Variants in ATXN1 observed in about 807,000 individuals in gnomAD.
The protein encoded by ATXN1 is ataxin-1.
A neutral mutation model predicts 56.4 loss-of-function variants in ATXN1; 8 were observed. The ratio of observed to expected loss-of-function variants is 0.14; its 90% CI spans 0.08 to 0.26. The LOEUF is 0.26. Among genes scored for constraint, ATXN1 ranks in the 10% least tolerant of loss-of-function variants. The pLI, the probability that ATXN1 is intolerant of heterozygous loss-of-function variation, is 1.00. For synonymous variants in ATXN1, 514 were observed against 494.6 expected, an observed-to-expected ratio of 1.04 and a Z score of -0.52; for missense variants, 987 against 1,106.5, an observed-to-expected ratio of 0.89 and a Z score of 1.53.
chr6:16,727,375 C>G (rs183809642), intron 2 of ATXN1, among the ~76,000 whole-genome samples: 5 of 152,250 alleles, frequency 3.3e-5, no homozygotes, highest in African/African-American at 1.2e-4. Context: ...GAACCACCGT[C>G]TCTGTCAATT....
Position 16,347,170 on chromosome 6 carries a change from G to T in ATXN1, c.-160-18700C>A, listed in dbSNP as rs542578646. Among the ~76,000 whole-genome samples, 4 of 152,290 alleles carry T rather than the reference G, an allele frequency of 2.6e-5. No homozygotes were observed. In the South Asian group the frequency reaches 8.3e-4, roughly 32 times the overall value. ...AGCCAGAGCCTCCCCGACGAGCGCCGCCCCCTGCTCCACAGCGCCCAGTCC... is the reference window on the plus strand; with the variant it reads ...AGCCAGAGCCTCCCCGACGAGCGCCTCCCCCTGCTCCACAGCGCCCAGTCC... On this transcript the variant is annotated intron_variant, in intron 6 of 7. Transcript: ENST00000436367.
At chr6:16,548,799 T>C (rs1183355039) in intron 4 of ATXN1, among the ~76,000 whole-genome samples, 1 of 152,060 alleles carries the variant, frequency 6.6e-6, no homozygotes, top group East Asian at 1.9e-4. Flanking sequence ...GGTGCATGCC[T>C]GTAATCCCAG....
chr6:16,317,363 C>A lies in ATXN1; in HGVS notation c.1917+9031G>T, dbSNP rs561031853. ...TTTTTGAGACAGAGTCTCACTCTGTCGCCAAGGCTAGAGTGTAGTGGTGCC... is the reference window on the plus strand; with the variant it reads ...TTTTTGAGACAGAGTCTCACTCTGTAGCCAAGGCTAGAGTGTAGTGGTGCC... On this transcript the variant is annotated intron_variant, in intron 7 of 7. Transcript: ENST00000436367. Among the ~76,000 whole-genome samples the A allele has an allele frequency of 2.0e-5, 3 of 151,610 alleles. No individual in the cohort carries two copies. The South Asian group carries it at 6.2e-4, about 32-fold the overall frequency.
intron 6 of ATXN1, among the ~76,000 whole-genome samples, chr6:16,400,323 C>T (rs1470769936): frequency 1.3e-5 from 2 of 152,230 alleles, no homozygotes; most frequent in African/African-American, 4.8e-5. Flanking sequence ...GTTTCTCCTA[C>T]AGCCCTCTGA....
intron 4 of ATXN1, among the ~76,000 whole-genome samples, chr6:16,537,151 A>C (rs1761616845): frequency 6.6e-6 from 1 of 152,068 alleles, no homozygotes; most frequent in South Asian, 2.1e-4. Flanking sequence ...ATCTTTTATA[A>C]AAGGTAAAAT....
chr6:16,476,523 CAA>C (rs201571540), intron 6 of ATXN1, among the ~76,000 whole-genome samples: 125 of 138,536 alleles, frequency 9.0e-4, no homozygotes, highest in African/African-American at 3.2e-3. Flanking sequence ...TATAATAATC[CAA>C]AAAAAAAAAC....
At chr6:16,316,888 T>A (rs1245393224) in intron 7 of ATXN1, among the ~76,000 whole-genome samples, 1 of 114,030 alleles carries the variant, frequency 8.8e-6, no homozygotes, top group Non-Finnish European at 2.0e-5. Context: ...TTTTTTTTTT[T>A]TTTTAACCAG....
intron 2 of ATXN1, among the ~76,000 whole-genome samples, chr6:16,660,773 GACAA>G (rs561462132): frequency 3.3e-4 from 49 of 148,364 alleles, no homozygotes; most frequent in African/African-American, 1.2e-3. Context: ...CATAATAAGA[GACAA>G]ACAGGTTCTC....
intron 3 of ATXN1, among the ~76,000 whole-genome samples, chr6:16,627,916 T>C (rs372464607): frequency 6.6e-6 from 1 of 152,170 alleles, no homozygotes; most frequent in Non-Finnish European, 1.5e-5. Context: ...ATACATTGTA[T>C]AATTTTCATC....
chr6:16,352,152 T>C (rs1761583318), intron 6 of ATXN1, among the ~76,000 whole-genome samples: 1 of 152,218 alleles, frequency 6.6e-6, no homozygotes, highest in Non-Finnish European at 1.5e-5. Flanking sequence ...TTTGCTTCTA[T>C]TTTGCTCTGG....
At chr6:16,468,668 A>G (rs1581783978) in intron 6 of ATXN1, among the ~76,000 whole-genome samples, 1 of 152,220 alleles carries the variant, frequency 6.6e-6, no homozygotes, top group Non-Finnish European at 1.5e-5. Flanking sequence ...ATCAATGCAA[A>G]GCAAATTAGC....
chr6:16,312,971 AG>A (rs1473466839), intron 7 of ATXN1, among the ~76,000 whole-genome samples: 1 of 152,074 alleles, frequency 6.6e-6, no homozygotes, highest in Non-Finnish European at 1.5e-5. Context: ...TCTGCTTCCT[AG>A]GTTCAAGCTA....
Position 16,306,387 on chromosome 6 carries a change from G to C in ATXN1, c.2390C>G (p.Ser797Cys). The change falls in exon 8 of 8, where the codon TCT becomes TGT. Residue 797 changes from serine to cysteine, a missense_variant. Physicochemically the swap from Ser to Cys is moderately radical, Grantham distance 112 (BLOSUM62 -1). Coordinates refer to ENST00000436367, the MANE Select transcript of ATXN1 (RefSeq NM_001128164.2). This position sits in a 1 kb window ranked among gnomAD's most constrained non-coding sequence, Gnocchi z 5.2. Reference sequence around the variant, plus strand: ...AATCTTAACCTCCTGAGGAATTAGAGAAGGCTTAGGAAGAGTCAAAGGTGG... The same window carrying C: ...AATCTTAACCTCCTGAGGAATTAGACAAGGCTTAGGAAGAGTCAAAGGTGG... The part of the protein sequence containing the change: ...DEPPLTLPKP[S>C]LIPQEVKICI... The C allele has an allele frequency of 6.2e-7, 1 of 1,613,982 alleles. No individual in the cohort carries two copies. The highest frequency in any genetic ancestry group is 8.5e-7 in the Non-Finnish European group (1 of 1,179,990).
chr6:16,552,832 G>A (rs1467332732), intron 4 of ATXN1, among the ~76,000 whole-genome samples: 1 of 152,186 alleles, frequency 6.6e-6, no homozygotes, highest in Non-Finnish European at 1.5e-5. Context: ...TTCCACATCT[G>A]TTTAACTTCC....
At chr6:16,548,970 C>A (rs561245603) in intron 4 of ATXN1, among the ~76,000 whole-genome samples, 37 of 152,150 alleles carry the variant, frequency 2.4e-4, no homozygotes, top group African/African-American at 8.7e-4. Flanking sequence ...TACTAAGAAA[C>A]AAACACGCAT....
intron 2 of ATXN1, among the ~76,000 whole-genome samples, chr6:16,718,273 TATGCATGGGGCAAAATGA>T (rs1240824634): frequency 1.3e-5 from 2 of 152,240 alleles, no homozygotes; most frequent in Non-Finnish European, 2.9e-5. Flanking sequence ...CTCTTAATAA[TATGCATGGGGCAAAATGA>T]AAGAGCATTC....
At chr6:16,541,224 T>C (rs1437748415) in intron 4 of ATXN1, among the ~76,000 whole-genome samples, 8 of 152,168 alleles carry the variant, frequency 5.3e-5, no homozygotes, top group African/African-American at 1.4e-4. Flanking sequence ...GACTCACTAC[T>C]GCACCACGCA....
At chr6:16,483,594 C>G (rs935056642) in intron 6 of ATXN1, among the ~76,000 whole-genome samples, 2 of 152,220 alleles carry the variant, frequency 1.3e-5, no homozygotes, top group Non-Finnish European at 2.9e-5. Flanking sequence ...ACAAAGAGTT[C>G]ACTAGAATTT....
chr6:16,434,304 C>T (rs1759346149), intron 6 of ATXN1, among the ~76,000 whole-genome samples: 1 of 152,194 alleles, frequency 6.6e-6, no homozygotes, highest in African/African-American at 2.4e-5. Context: ...TCCTTCTTCA[C>T]TGTAATTTCA....
Sources: gnomAD v4.1 joint callset for allele counts (sites outside exome capture counted in the v4.1 genomes callset) on GRCh38, gnomAD v4.1.1 for gene constraint, Gnocchi (gnomAD v3.1) non-coding constraint, MANE v1.5 for transcripts, NCBI Gene and HGNC (gene_info 2026-07-23, HGNC 2026-07-21) for gene names.